The following DCLK3 variants were observed in gnomAD, a reference collection of about 807,000 sequenced individuals.
The protein encoded by DCLK3 is doublecortin like kinase 3, also known as serine/threonine-protein kinase DCLK3.
A neutral mutation model predicts 46.4 loss-of-function variants in DCLK3; 30 were observed. The ratio of observed to expected loss-of-function variants is 0.65; its 90% confidence interval spans 0.48 to 0.88. DCLK3 has a LOEUF of 0.88. Ranked by LOEUF, DCLK3 falls within the 40% of genes least tolerant of loss-of-function variation. DCLK3 has a pLI of 0.00. For missense variants in DCLK3, 846 were observed against 907.1 expected, an observed-to-expected ratio of 0.93 and a Z score of 0.87; for synonymous variants, 401 against 339.2, an observed-to-expected ratio of 1.18 and a Z score of -2.00.
intron 1 of DCLK3, among the ~76,000 whole-genome samples, chr3:36,757,676 C>A (rs1383815043): frequency 6.6e-6 from 1 of 152,168 alleles, no homozygotes; most frequent in East Asian, 1.9e-4. Flanking sequence ...CAGGAAAAGT[C>A]ACATCAGTGA....
chr3:36,751,763 C>T (rs996144470), intron 1 of DCLK3, among the ~76,000 whole-genome samples: 7 of 152,258 alleles, frequency 4.6e-5, no homozygotes, highest in Admixed American at 2.0e-4. Context: ...ATGGGCCTTG[C>T]GTGGCAAGAT....
Position 36,715,119 on chromosome 3 carries a change from A to C in DCLK3, c.*209T>G. The C allele has an allele frequency of 1.7e-6, 1 of 596,138 alleles. No homozygotes were observed. The highest frequency in any genetic ancestry group is 2.8e-6 in the Non-Finnish European group (1 of 361,924). The allele number at this position is 596,138 out of a possible 1,614,324, so 36.9% of individuals were successfully genotyped here. A position where few individuals can be genotyped will look rare whatever the true frequency, so the allele number is the denominator to read the frequency against. ...AATGCTTACCCCCCAAAAATGTATTAAAGGCTTTAAATATACAAATCTAAA... is the reference window on the plus strand; with the variant it reads ...AATGCTTACCCCCCAAAAATGTATTCAAGGCTTTAAATATACAAATCTAAA... On this transcript the variant is annotated 3_prime_UTR_variant, in exon 5 of 5. Coordinates refer to ENST00000636136, the MANE Select transcript of DCLK3 (RefSeq NM_001394672.2).
Position 36,715,534 on chromosome 3 carries a change from G to C in DCLK3, c.2261-13C>G, listed in dbSNP as rs752018519. 1.3e-6 allele frequency: 2 copies of C among 1,517,498 alleles called. No homozygotes were observed. The highest frequency in any genetic ancestry group is 2.7e-5 in the South Asian group (2 of 74,826). 94.0% of individuals were successfully genotyped at this position (1,517,498 alleles called of 1,614,324 possible). ...AGATCTTTAGCAGCTGTTGGAATGAGAGAAGGGGAAAATGTGATGAATGCA... is the reference window on the plus strand; with the variant it reads ...AGATCTTTAGCAGCTGTTGGAATGACAGAAGGGGAAAATGTGATGAATGCA... On this transcript the variant is annotated splice_polypyrimidine_tract_variant and intron_variant, in intron 4 of 4. Coordinates refer to ENST00000636136, the MANE Select transcript of DCLK3 (RefSeq NM_001394672.2).
At chr3:36,744,806 A>T (rs1211415449) in intron 1 of DCLK3, among the ~76,000 whole-genome samples, 1 of 152,224 alleles carries the variant, frequency 6.6e-6, no homozygotes, top group Admixed American at 6.5e-5. Flanking sequence ...ACCAGTAGGG[A>T]CGGGATCATA....
In DCLK3 at chr3:36,738,951, G is replaced by A. The variant is rs114671411; in HGVS notation, c.216C>T (p.Val72=). The A allele has an allele frequency of 0.021, 8,436 of 402,132 alleles. 122 individuals are homozygous for A. Among genetic ancestry groups the A allele is most frequent in the Non-Finnish European group, 0.028 (6,445 of 228,802 alleles). 24.9% of individuals were successfully genotyped at this position (402,132 alleles called of 1,614,324 possible). The part of the protein sequence containing the change: ...EKPFLGPRGP[V]VPLFCPRNGL... ...CATTCCGAGGGCAGAACAAGGGCAC[G>A]ACGGGGCCACGCGGCCCCAGGAATG... Residue 72 remains valine (V), a synonymous_variant, in exon 2 of 5, where the codon GTC becomes GTT. Transcript: ENST00000636136.
chr3:36,760,524 T>C (rs968797016), intron 1 of DCLK3, among the ~76,000 whole-genome samples: 10 of 151,924 alleles, frequency 6.6e-5, no homozygotes, highest in African/African-American at 2.4e-4. Flanking sequence ...ATACCTAATG[T>C]TAAATAACGA....
At chr3:36,721,298 C>T (rs944210372) in intron 3 of DCLK3, among the ~76,000 whole-genome samples, 2 of 152,036 alleles carry the variant, frequency 1.3e-5, no homozygotes, top group Non-Finnish European at 2.9e-5. Flanking sequence ...CACACACACA[C>T]ACACATGCAC....
At chr3:36,715,593 A>T in intron 4 of DCLK3, 72 bp from the exon 5 acceptor site, 1 of 1,478,800 alleles carries the variant, frequency 6.8e-7, no homozygotes, top group Non-Finnish European at 9.0e-7. Flanking sequence ...CACACATGAA[A>T]TAAGAACATA....
chr3:36,750,938 C>T (rs1258042627), intron 1 of DCLK3, among the ~76,000 whole-genome samples: 1 of 152,066 alleles, frequency 6.6e-6, no homozygotes, highest in Non-Finnish European at 1.5e-5. Context: ...GCAGCCTCAG[C>T]TTAGTTCTGC....
chr3:36,764,305 C>T lies in DCLK3; in HGVS notation c.-42G>A. The T allele has an allele frequency of 4.6e-6, 1 of 218,988 alleles. No individual in the cohort carries two copies. The highest frequency in any genetic ancestry group is 1.0e-4 in the East Asian group (1 of 9,690). The allele number at this position is 218,988 out of a possible 1,614,324, so 13.6% of individuals were successfully genotyped here. On this transcript the variant is annotated 5_prime_UTR_variant, in exon 1 of 5. Transcript: ENST00000636136. This position sits in a 1 kb window ranked among gnomAD's most constrained non-coding sequence, Gnocchi z 4.9. Reference sequence around the variant, plus strand: ...CGGGGAGAGCCTGGAGCAGAGGTGGCAGCGCGGGGACGCGGCTCGACGGTC... The same window carrying T: ...CGGGGAGAGCCTGGAGCAGAGGTGGTAGCGCGGGGACGCGGCTCGACGGTC...
At chr3:36,723,131 A>T (rs1220780442) in intron 2 of DCLK3, among the ~76,000 whole-genome samples, 1 of 152,228 alleles carries the variant, frequency 6.6e-6, no homozygotes, top group East Asian at 1.9e-4. Context: ...GAACTGGGAC[A>T]AAGGTGACTC....
rs1336138832 is a variant in DCLK3 at position 36,712,574 on chromosome 3, A to G, written c.*2754T>C. On this transcript the variant is annotated 3_prime_UTR_variant, in exon 5 of 5. Transcript: ENST00000636136. The stretch of plus-strand genomic sequence containing the variant: ...ACGTCCCTCTTCCCCAAAGTTACCA[A>G]GTGTTCCCTTGCAATCCTTCTGTCC... The G allele has an allele frequency of 6.6e-6, 1 of 152,176 alleles. No homozygotes were observed. The highest frequency in any genetic ancestry group is 1.5e-5 in the Non-Finnish European group (1 of 68,024). The allele number at this position is 152,176 out of a possible 1,614,324, so 9.4% of individuals were successfully genotyped here.
chr3:36,757,614 C>T (rs1461125592), intron 1 of DCLK3, among the ~76,000 whole-genome samples: 1 of 152,100 alleles, frequency 6.6e-6, no homozygotes, highest in African/African-American at 2.4e-5. Flanking sequence ...ATTAATGTCC[C>T]ATAGAAGAAA....
chr3:36,737,158 C>A lies in DCLK3; in HGVS notation c.1959+50G>T. ...ATAAAACAATTAATATCAATTTTAT[C>A]CCATATTCTAAAAACACCCTCTCCC... On this transcript the variant is annotated intron_variant, in intron 2 of 4. Coordinates refer to ENST00000636136, the MANE Select transcript of DCLK3 (RefSeq NM_001394672.2). The surrounding 1 kb of genome is among the most constrained non-coding windows in gnomAD (Gnocchi z 4.4). The A allele has an allele frequency of 1.3e-6, 2 of 1,564,710 alleles. No homozygotes were observed. The highest frequency in any genetic ancestry group is 1.2e-5 in the South Asian group (1 of 81,578).
chr3:36,763,508 A>G (rs772131107), intron 1 of DCLK3, among the ~76,000 whole-genome samples: 1 of 152,216 alleles, frequency 6.6e-6, no homozygotes, highest in Non-Finnish European at 1.5e-5. Context: ...ATTTTTTTAT[A>G]TTAATTCCCA....
Position 36,745,525 on chromosome 3 carries a change from C to A in DCLK3, c.83-6441G>T, listed in dbSNP as rs560786020. ...GATGACTAAAAAAGAAAGGTCAATG[C>A]ATCTAACACCACATTATTAACCCCC... is the stretch of plus-strand genomic sequence containing the variant. On this transcript the variant is annotated intron_variant, in intron 1 of 4. Coordinates refer to ENST00000636136, the MANE Select transcript of DCLK3 (RefSeq NM_001394672.2). 9.2e-5 allele frequency among the ~76,000 whole-genome samples: 14 copies of A among 152,328 alleles called. No homozygotes were observed. In the South Asian group the frequency reaches 2.7e-3, roughly 29 times the overall value.
At chr3:36,755,106 T>G (rs1268410818) in intron 1 of DCLK3, among the ~76,000 whole-genome samples, 2 of 152,124 alleles carry the variant, frequency 1.3e-5, no homozygotes, top group Non-Finnish European at 2.9e-5. Flanking sequence ...ACAAAAAATG[T>G]GTATGAGCAA....
intron 2 of DCLK3, among the ~76,000 whole-genome samples, chr3:36,730,826 T>G (rs1383200460): frequency 6.6e-6 from 1 of 151,672 alleles, no homozygotes; most frequent in Non-Finnish European, 1.5e-5. Context: ...GGAAGCAACA[T>G]CTGAAAGAAG....
At chr3:36,736,390 A>AT (rs1701263635) in intron 2 of DCLK3, among the ~76,000 whole-genome samples, 1 of 152,098 alleles carries the variant, frequency 6.6e-6, no homozygotes. Flanking sequence ...CAATATTCTT[A>AT]TTTTTATCTG....
Sources: allele counts gnomAD v4.1 joint callset (sites outside exome capture counted in the v4.1 genomes callset), GRCh38; gene constraint gnomAD v4.1.1; non-coding constraint Gnocchi (gnomAD v3.1); transcripts MANE v1.5; gene names NCBI Gene and HGNC (gene_info 2026-07-23, HGNC 2026-07-21).